The following OLFM3 variants were observed in gnomAD, a reference collection of about 807,000 sequenced individuals.
OLFM3 encodes noelin-3.
Under a neutral mutation model 48.6 loss-of-function variants are expected in OLFM3, and 20 were observed. The observed-to-expected ratio is 0.41, with a 90% CI of 0.29 to 0.60. OLFM3 has a LOEUF of 0.60. Ranked by LOEUF, OLFM3 falls within the 20% of genes least tolerant of loss-of-function variation. OLFM3 has a pLI of 0.28. For missense variants in OLFM3, 437 were observed against 544.3 expected, an observed-to-expected ratio of 0.80 and a Z score of 1.96; for synonymous variants, 222 against 198.1, an observed-to-expected ratio of 1.12 and a Z score of -1.01.
chr1:101,951,456 T>A (rs954675559), intron 1 of OLFM3, among the ~76,000 whole-genome samples: 4 of 152,152 alleles, frequency 2.6e-5, no homozygotes, highest in Admixed American at 2.0e-4. Flanking sequence ...ACTTAATGAA[T>A]CATTCATGAT....
chr1:101,812,959 T>C (rs1236956593), intron 4 of OLFM3: 3 of 1,014,920 alleles, frequency 3.0e-6, no homozygotes, highest in Non-Finnish European at 3.6e-6. Flanking sequence ...TTTAAAGATA[T>C]AATAATTAAT....
chr1:101,870,945 T>C (rs1297392142), intron 1 of OLFM3, among the ~76,000 whole-genome samples: 2 of 151,666 alleles, frequency 1.3e-5, no homozygotes, highest in Non-Finnish European at 2.9e-5. Flanking sequence ...ATAACTCTTT[T>C]TTTAAAAAGA....
chr1:101,938,426 G>A (rs1659688728), intron 1 of OLFM3, among the ~76,000 whole-genome samples: 1 of 152,116 alleles, frequency 6.6e-6, no homozygotes, highest in South Asian at 2.1e-4. Context: ...TGAGTCCTTA[G>A]GAGACCATGA....
At chr1:101,989,777 A>G (rs1317124443) in intron 1 of OLFM3, among the ~76,000 whole-genome samples, 5 of 152,222 alleles carry the variant, frequency 3.3e-5, no homozygotes, top group African/African-American at 1.2e-4. Flanking sequence ...GAAGATCAAT[A>G]TAAGCAGAGG....
chr1:101,861,479 C>A (rs1656654598), intron 1 of OLFM3, among the ~76,000 whole-genome samples: 2 of 152,284 alleles, frequency 1.3e-5, no homozygotes, highest in South Asian at 4.1e-4. Flanking sequence ...CTCAGTGAGG[C>A]CCAAGTGTCC....
intron 1 of OLFM3, among the ~76,000 whole-genome samples, chr1:101,857,089 T>G (rs1340302480): frequency 6.6e-6 from 1 of 152,048 alleles, no homozygotes; most frequent in African/African-American, 2.4e-5. Flanking sequence ...ATCTTGGTCC[T>G]ATACTCCAAA....
intron 1 of OLFM3, among the ~76,000 whole-genome samples, chr1:101,931,354 T>C (rs1201004576): frequency 6.6e-6 from 1 of 152,164 alleles, no homozygotes; most frequent in Non-Finnish European, 1.5e-5. Context: ...TGCTTTCCCA[T>C]TGCTCTTGTA....
rs1658698121 is a variant in OLFM3, at chr1:101,910,098, G to A, written c.70-73073C>T. ...CTGCTTCTTCATATCCCTTGTCTCAGAGAAGCTTCAGCTTTACAGTTAAAT... is the reference window on the plus strand; with the variant it reads ...CTGCTTCTTCATATCCCTTGTCTCAAAGAAGCTTCAGCTTTACAGTTAAAT... On this transcript the variant is annotated intron_variant, in intron 1 of 5. Coordinates refer to ENST00000370103, the MANE Select transcript of OLFM3 (RefSeq NM_058170.4). 9.1e-6 allele frequency: 9 copies of A among 984,792 alleles called. No homozygotes were observed. In the South Asian group the frequency reaches 2.8e-4, roughly 31 times the overall value. The allele number at this position is 984,792 out of a possible 1,614,324, so 61.0% of individuals were successfully genotyped here. A position where few individuals can be genotyped will look rare whatever the true frequency, so the allele number is the denominator to read the frequency against.
intron 4 of OLFM3, among the ~76,000 whole-genome samples, chr1:101,808,417 C>T (rs1166680030): frequency 6.6e-6 from 1 of 151,388 alleles, no homozygotes; most frequent in East Asian, 1.9e-4. Context: ...AAGTGAGACC[C>T]GAGGAGGGAG....
chr1:101,813,072 C>A, intron 4 of OLFM3: 2 of 1,278,350 alleles, frequency 1.6e-6, no homozygotes, highest in Non-Finnish European at 2.0e-6. Flanking sequence ...CGTGTTATAG[C>A]TTCCCAAAAT....
At chr1:101,893,379 G>C in intron 1 of OLFM3, 1 of 385,626 alleles carries the variant, frequency 2.6e-6, no homozygotes, top group Non-Finnish European at 5.3e-6. Flanking sequence ...CAGGGCCATG[G>C]GGAACAGATC....
In OLFM3 at chr1:101,896,488, CTT is replaced by C. The variant is rs35260761; in HGVS notation, c.70-59465_70-59464del. The stretch of plus-strand genomic sequence containing the variant: ...TTTTTCAATTTAGCATGCTTACACA[CTT>C]TTTTTTTTTTTTTTTTTTTTTTGAG... On this transcript the variant is annotated intron_variant, in intron 1 of 5. Coordinates refer to ENST00000370103, the MANE Select transcript of OLFM3 (RefSeq NM_058170.4). Among the ~76,000 whole-genome samples, 267 of 76,688 alleles carry C rather than the reference CTT, an allele frequency of 3.5e-3. 1 individual carries two copies. The highest frequency in any genetic ancestry group is 0.014 in the African/African-American group (237 of 17,368). 50.3% of individuals were successfully genotyped at this position (76,688 alleles called of 152,430 possible). A position where few individuals can be genotyped will look rare whatever the true frequency, so the allele number is the denominator to read the frequency against.
rs1388964798 is a variant in OLFM3 at position 101,866,229 on chromosome 1, G to GT, written c.70-29205dup. ...ATTTGTACATTAAAATGTAATTGCT[G>GT]TATTGGAATTAGAAGATCACTACTT... On this transcript the variant is annotated intron_variant, in intron 1 of 5. Transcript: ENST00000370103. Among the ~76,000 whole-genome samples, 10 of 152,170 alleles carry GT rather than the reference G, an allele frequency of 6.6e-5. No individual in the cohort carries two copies. The East Asian group carries it at 1.9e-3, about 29-fold the overall frequency.
chr1:101,908,724 T>C (rs728323), intron 1 of OLFM3, among the ~76,000 whole-genome samples: 93,287 of 151,942 alleles, frequency 0.61, 29,116 homozygotes, highest in African/African-American at 0.71. Flanking sequence ...AATCCAGTGA[T>C]AAATGTTCAT....
intron 1 of OLFM3, among the ~76,000 whole-genome samples, chr1:101,977,488 C>T (rs1025371550): frequency 7.9e-5 from 12 of 152,050 alleles, no homozygotes; most frequent in East Asian, 3.9e-4. Context: ...AACATGTGCT[C>T]GGCAAAGATT....
chr1:101,948,452 T>TGAGAGAGA lies in OLFM3; in HGVS notation c.69+48288_69+48295dup, dbSNP rs141817550. Among the ~76,000 whole-genome samples the TGAGAGAGA allele has an allele frequency of 2.8e-3, 420 of 149,988 alleles. 2 individuals carry two copies. The highest frequency in any genetic ancestry group is 4.1e-3 in the Non-Finnish European group (273 of 67,266). ...CTGAATATTTGTGTTAAGACTTGTA[T>TGAGAGAGA]GAGAGAGAGAGAGAGAGAGAGTTTT... On this transcript the variant is annotated intron_variant, in intron 1 of 5. Transcript: ENST00000370103.
chr1:101,971,562 G>C (rs1660804143), intron 1 of OLFM3, among the ~76,000 whole-genome samples: 1 of 152,142 alleles, frequency 6.6e-6, no homozygotes, highest in African/African-American at 2.4e-5. Flanking sequence ...TGGAAAAATT[G>C]CAGAATAAAG....
At chr1:101,921,203 ACACAC>A (rs1659083850) in intron 1 of OLFM3, among the ~76,000 whole-genome samples, 1 of 40,776 alleles carries the variant, frequency 2.5e-5, no homozygotes, top group Non-Finnish European at 6.4e-5. Flanking sequence ...AAGTTTATAC[ACACAC>A]ACACACACAC....
At chr1:101,990,936 G>GAT (rs1661380658) in intron 1 of OLFM3, among the ~76,000 whole-genome samples, 1 of 130,994 alleles carries the variant, frequency 7.6e-6, no homozygotes, top group Non-Finnish European at 1.5e-5. Context: ...AGTGAGCCGA[G>GAT]ATTGTGCCAC....
Sources: gnomAD v4.1 joint callset for allele counts (sites outside exome capture counted in the v4.1 genomes callset) on GRCh38, gnomAD v4.1.1 for gene constraint, MANE v1.5 for transcripts, NCBI Gene and HGNC (gene_info 2026-07-23, HGNC 2026-07-21) for gene names.